ERBB4: variants seen among roughly 807,000 people sequenced by gnomAD.
ERBB4 encodes erb-b2 receptor tyrosine kinase 4, also known as receptor tyrosine-protein kinase erbB-4.
Under a neutral mutation model 158.0 loss-of-function variants are expected in ERBB4, and 42 were observed. The observed-to-expected ratio is 0.27, with a 90% CI of 0.21 to 0.34. The LOEUF (loss-of-function observed/expected upper bound fraction) is 0.34, where lower values mean the gene tolerates loss of function less well. Among genes scored for constraint, ERBB4 ranks in the 10% least tolerant of loss-of-function variants. The pLI is 1.00. For synonymous variants in ERBB4, 583 were observed against 558.7 expected (o/e 1.04, Z -0.61); for missense variants, 1,333 against 1,624.1 (o/e 0.82, Z 3.08).
At chr2:212,440,378 C>G (rs900542055) in intron 1 of ERBB4, among the ~76,000 whole-genome samples, 1 of 152,190 alleles carries the variant, frequency 6.6e-6, no homozygotes, top group Admixed American at 6.5e-5. Flanking sequence ...ATGCTTCCTG[C>G]CCTCAAACAT....
At chr2:212,517,139 A>G (rs565226314) in intron 1 of ERBB4, among the ~76,000 whole-genome samples, 1 of 152,290 alleles carries the variant, frequency 6.6e-6, no homozygotes, top group East Asian at 1.9e-4. Flanking sequence ...ATTGAGAAAG[A>G]ATTTAAAGGC....
intron 20 of ERBB4, 148 bp downstream of exon 20, chr2:211,561,752 AAGT>A: frequency 2.8e-6 from 2 of 720,250 alleles, no homozygotes; most frequent in Non-Finnish European, 4.9e-6. Context: ...GTTTACCTAA[AAGT>A]ACCTCTCTGT....
chr2:212,500,123 C>T (rs1262115665), intron 1 of ERBB4, among the ~76,000 whole-genome samples: 1 of 152,040 alleles, frequency 6.6e-6, no homozygotes, highest in African/African-American at 2.4e-5. Context: ...GCATTTCAAA[C>T]TTACTTTTTA....
At chr2:212,215,191 T>C (rs559549326) in intron 1 of ERBB4, among the ~76,000 whole-genome samples, 1 of 151,642 alleles carries the variant, frequency 6.6e-6, no homozygotes, top group South Asian at 2.1e-4. Context: ...ATTCACAGCA[T>C]TTTATGCTTA....
At chr2:212,219,604 A>C (rs1042967562) in intron 1 of ERBB4, among the ~76,000 whole-genome samples, 7 of 151,294 alleles carry the variant, frequency 4.6e-5, no homozygotes, top group Admixed American at 3.3e-4. Context: ...TATATTATTC[A>C]TGCTAGCCTT....
chr2:211,772,896 C>T (rs1225767426), intron 4 of ERBB4, among the ~76,000 whole-genome samples: 3 of 73,342 alleles, frequency 4.1e-5, no homozygotes, highest in South Asian at 7.2e-4. Flanking sequence ...CACACACACA[C>T]ACATATATAT....
chr2:211,766,364 G>A (rs1367196888), intron 4 of ERBB4, among the ~76,000 whole-genome samples: 1 of 152,112 alleles, frequency 6.6e-6, no homozygotes, highest in East Asian at 1.9e-4. Flanking sequence ...AGTGTAACCA[G>A]TGGTCTCTCC....
chr2:212,368,881 G>A (rs1258903712), intron 1 of ERBB4, among the ~76,000 whole-genome samples: 1 of 152,076 alleles, frequency 6.6e-6, no homozygotes, highest in African/African-American at 2.4e-5. Context: ...TAGCACCGTA[G>A]GTCCCTACTA....
At chr2:211,501,540 T>TG (rs1233492788) in intron 20 of ERBB4, among the ~76,000 whole-genome samples, 2 of 146,572 alleles carry the variant, frequency 1.4e-5, no homozygotes, top group Non-Finnish European at 3.1e-5. Flanking sequence ...TGCTTGTGTG[T>TG]TTTTTTTAGA....
At chr2:211,686,217 A>G (rs1470220130) in intron 12 of ERBB4, among the ~76,000 whole-genome samples, 1 of 152,136 alleles carries the variant, frequency 6.6e-6, no homozygotes, top group Non-Finnish European at 1.5e-5. Context: ...TTTCACCATT[A>G]AGCATAATGT....
chr2:211,716,547 G>A (rs1186715927), intron 7 of ERBB4, among the ~76,000 whole-genome samples: 6 of 146,952 alleles, frequency 4.1e-5, no homozygotes, highest in Non-Finnish European at 6.0e-5. Context: ...CTGGTGGCGG[G>A]CGCCTGTAGT....
chr2:211,829,262 G>A (rs145527482), intron 3 of ERBB4, among the ~76,000 whole-genome samples: 92 of 152,046 alleles, frequency 6.1e-4, no homozygotes, highest in Non-Finnish European at 9.1e-4. Context: ...CTTTCATTGC[G>A]TCCATATATA....
chr2:211,810,142 G>A (rs893174166), intron 3 of ERBB4, among the ~76,000 whole-genome samples: 2 of 152,158 alleles, frequency 1.3e-5, no homozygotes, highest in African/African-American at 4.8e-5. Context: ...AGTGTGATGT[G>A]GTGCTGAGAA....
At chr2:211,606,708 T>C (rs1027557135) in intron 19 of ERBB4, among the ~76,000 whole-genome samples, 1 of 152,070 alleles carries the variant, frequency 6.6e-6, no homozygotes, top group Admixed American at 6.6e-5. Flanking sequence ...AAATCAACAT[T>C]ATATGAAAAA....
intron 20 of ERBB4, among the ~76,000 whole-genome samples, chr2:211,480,277 A>T (rs552413548): frequency 6.6e-6 from 1 of 152,106 alleles, no homozygotes; most frequent in East Asian, 1.9e-4. Flanking sequence ...TATCTTGGTT[A>T]TATGGTTTGG....
At chr2:212,067,084 C>A (rs2077969204) in intron 2 of ERBB4, among the ~76,000 whole-genome samples, 1 of 151,940 alleles carries the variant, frequency 6.6e-6, no homozygotes, top group Non-Finnish European at 1.5e-5. Context: ...TTAAAGCTAT[C>A]TATAGTTTAC....
At chr2:212,177,335 A>T (rs2125683201) in intron 1 of ERBB4, among the ~76,000 whole-genome samples, 1 of 152,044 alleles carries the variant, frequency 6.6e-6, no homozygotes, top group Non-Finnish European at 1.5e-5. Context: ...CTGTAAACCC[A>T]CTAAGAACTA....
At chr2:211,697,723 T>C (rs906499437) in intron 12 of ERBB4, among the ~76,000 whole-genome samples, 1 of 152,204 alleles carries the variant, frequency 6.6e-6, no homozygotes, top group Non-Finnish European at 1.5e-5. Flanking sequence ...CCATAGATGA[T>C]ATCCAGTGAT....
chr2:211,802,268 A>G (rs1172061042), intron 3 of ERBB4, among the ~76,000 whole-genome samples: 50 of 152,128 alleles, frequency 3.3e-4, no homozygotes, highest in Non-Finnish European at 6.3e-4. Context: ...CCAACAAAAA[A>G]AAAAAAACAC....
Sources: allele counts gnomAD v4.1 joint callset (sites outside exome capture counted in the v4.1 genomes callset), GRCh38; gene constraint gnomAD v4.1.1; transcripts MANE v1.5; gene names NCBI Gene and HGNC (gene_info 2026-07-23, HGNC 2026-07-21).